The following SDK1 variants were observed in gnomAD, a reference collection of about 807,000 sequenced individuals.
SDK1 encodes sidekick cell adhesion molecule 1, also known as protein sidekick-1.
SDK1 carries 157 observed loss-of-function variants against 245.5 expected under a neutral mutation model. The ratio of observed to expected loss-of-function variants is 0.64; its 90% CI spans 0.56 to 0.73. SDK1 has a LOEUF of 0.73. Among genes scored for constraint, SDK1 ranks in the 30% least tolerant of loss-of-function variants. The probability of loss-of-function intolerance (pLI) is 0.00; values close to 1 mark genes in which losing one functional copy is unlikely to be tolerated. For missense variants in SDK1, 3,583 were observed against 3,002.3 expected (o/e 1.19, Z -4.52); for synonymous variants, 1,647 against 1,278.5 (o/e 1.29, Z -6.15).
chr7:3,830,538 C>G (rs901117627), intron 5 of SDK1, among the ~76,000 whole-genome samples: 1 of 152,108 alleles, frequency 6.6e-6, no homozygotes, highest in African/African-American at 2.4e-5. Flanking sequence ...CTCTGTCACC[C>G]AGGCTGGAGT....
chr7:3,975,730 G>A (rs1251162660), intron 13 of SDK1, among the ~76,000 whole-genome samples: 2 of 152,222 alleles, frequency 1.3e-5, no homozygotes, highest in Admixed American at 6.5e-5. Context: ...ATCAGTACCT[G>A]AAAAACATCC....
chr7:3,767,396 G>A (rs569868979), intron 4 of SDK1, among the ~76,000 whole-genome samples: 2 of 152,310 alleles, frequency 1.3e-5, no homozygotes, highest in East Asian at 3.9e-4. Context: ...AGTGCCGAGT[G>A]GTCCTGAAAG....
intron 1 of SDK1, among the ~76,000 whole-genome samples, chr7:3,309,771 TA>T (rs1174864378): frequency 2.0e-5 from 3 of 152,158 alleles, no homozygotes; most frequent in Non-Finnish European, 4.4e-5. Context: ...TCACAAACAT[TA>T]AGCATATTTA....
intron 27 of SDK1, among the ~76,000 whole-genome samples, chr7:4,131,182 G>A (rs1308110781): frequency 2.0e-5 from 3 of 152,214 alleles, no homozygotes; most frequent in African/African-American, 7.2e-5. Context: ...ATTAGAAACT[G>A]TGTGTAACAG....
chr7:3,909,228 G>A (rs982795748), intron 5 of SDK1, among the ~76,000 whole-genome samples: 2 of 152,082 alleles, frequency 1.3e-5, no homozygotes, highest in Non-Finnish European at 2.9e-5. Context: ...TTTCCATTAC[G>A]GAGTTCTGCT....
At chr7:4,167,808 C>A (rs777621061) in intron 32 of SDK1, among the ~76,000 whole-genome samples, 10 of 152,228 alleles carry the variant, frequency 6.6e-5, no homozygotes, top group Non-Finnish European at 1.3e-4. Context: ...ATATAATACT[C>A]TGGAGGCCAT....
chr7:4,048,326 C>T (rs1789170424), intron 17 of SDK1, among the ~76,000 whole-genome samples: 1 of 152,144 alleles, frequency 6.6e-6, no homozygotes, highest in Non-Finnish European at 1.5e-5. Flanking sequence ...CTCTGCAGGC[C>T]ACTGGGGTTC....
At chr7:3,621,369 C>T (rs1298747607) in intron 2 of SDK1, among the ~76,000 whole-genome samples, 2 of 152,170 alleles carry the variant, frequency 1.3e-5, no homozygotes, top group Admixed American at 1.3e-4. Context: ...TACAGTAAGG[C>T]CCACATCACC....
At chr7:3,355,658 T>A (rs1780772536) in intron 1 of SDK1, among the ~76,000 whole-genome samples, 1 of 152,326 alleles carries the variant, frequency 6.6e-6, no homozygotes, top group Admixed American at 6.5e-5. Context: ...TACCCTCAGC[T>A]TTCCACCGAC....
At chr7:3,963,809 G>A (rs1781886567) in intron 9 of SDK1, among the ~76,000 whole-genome samples, 2 of 152,044 alleles carry the variant, frequency 1.3e-5, no homozygotes, top group African/African-American at 4.8e-5. Flanking sequence ...GACGTATCCA[G>A]TGAGCACACC....
At chr7:3,506,559 T>C (rs1583969157) in intron 1 of SDK1, among the ~76,000 whole-genome samples, 1 of 152,354 alleles carries the variant, frequency 6.6e-6, no homozygotes, top group East Asian at 1.9e-4. Flanking sequence ...TCTGATGTAC[T>C]TTGATGACAT....
intron 1 of SDK1, among the ~76,000 whole-genome samples, chr7:3,497,278 G>A (rs978355809): frequency 6.6e-6 from 1 of 152,178 alleles, no homozygotes; most frequent in African/African-American, 2.4e-5. Flanking sequence ...GGCTAAAACT[G>A]TGAAATAAAA....
intron 41 of SDK1, 31 bp downstream of exon 41, chr7:4,233,450 C>T (rs1287491518): frequency 1.9e-6 from 3 of 1,599,926 alleles, no homozygotes; most frequent in Admixed American, 1.7e-5. Context: ...CTGTCTTCTT[C>T]TGGAGGACTA....
At chr7:3,858,832 T>C (rs1025078359) in intron 5 of SDK1, among the ~76,000 whole-genome samples, 3 of 150,382 alleles carry the variant, frequency 2.0e-5, no homozygotes, top group Admixed American at 6.7e-5. Flanking sequence ...TGTCCCAAAA[T>C]TTAGTTGTCT....
intron 4 of SDK1, among the ~76,000 whole-genome samples, chr7:3,806,025 A>G (rs1359821624): frequency 6.6e-6 from 1 of 152,150 alleles, no homozygotes; most frequent in Non-Finnish European, 1.5e-5. Flanking sequence ...TGTTGCTACC[A>G]CAAACTGCAT....
chr7:3,699,872 A>G (rs1374283243), intron 4 of SDK1, among the ~76,000 whole-genome samples: 1 of 152,226 alleles, frequency 6.6e-6, no homozygotes, highest in East Asian at 1.9e-4. Context: ...GAATCCCAAG[A>G]TCAAAGAAAT....
intron 40 of SDK1, among the ~76,000 whole-genome samples, 189 bp downstream of exon 40, chr7:4,221,553 C>G (rs1202068057): frequency 1.3e-5 from 2 of 152,244 alleles, no homozygotes; most frequent in African/African-American, 4.8e-5. Context: ...ATAGTCACAA[C>G]TGTGCGGTTC....
intron 1 of SDK1, among the ~76,000 whole-genome samples, chr7:3,574,073 C>G (rs997048863): frequency 5.9e-5 from 9 of 151,670 alleles, no homozygotes; most frequent in African/African-American, 2.2e-4. Flanking sequence ...GACTTTGCCT[C>G]TGCAGCTATC....
At chr7:3,411,746 C>T (rs546123263) in intron 1 of SDK1, among the ~76,000 whole-genome samples, 8 of 152,206 alleles carry the variant, frequency 5.3e-5, no homozygotes, top group South Asian at 4.2e-4. Flanking sequence ...CTAGTCTCTC[C>T]ACAATTGAAA....
Sources: gnomAD v4.1 joint callset for allele counts (sites outside exome capture counted in the v4.1 genomes callset) on GRCh38, gnomAD v4.1.1 for gene constraint, MANE v1.5 for transcripts, NCBI Gene and HGNC (gene_info 2026-07-23, HGNC 2026-07-21) for gene names.